Variants in EIF4ENIF1 observed in about 807,000 individuals in gnomAD.
EIF4ENIF1 encodes the protein eukaryotic translation initiation factor 4E transporter.
EIF4ENIF1 carries 23 observed loss-of-function variants against 110.5 expected under a neutral mutation model. That is an observed-to-expected ratio of 0.21 (90% CI 0.15 to 0.29). EIF4ENIF1 has a LOEUF of 0.29. Among genes scored for constraint, EIF4ENIF1 ranks in the 10% least tolerant of loss-of-function variants. EIF4ENIF1 has a pLI of 1.00. For synonymous variants in EIF4ENIF1, 440 were observed against 437.0 expected (o/e 1.01, Z -0.09); for missense variants, 1,031 against 1,221.1 (o/e 0.84, Z 2.32).
rs1256886202 is a variant in EIF4ENIF1 at position 31,442,014 on chromosome 22, G to C, written c.2311C>G (p.Leu771Val). The C allele has an allele frequency of 6.2e-7, 1 of 1,614,228 alleles. No individual in the cohort carries two copies. Among genetic ancestry groups the C allele is most frequent in the Admixed American group, 1.7e-5 (1 of 60,024 alleles). The change falls in exon 17 of 19, where the codon CTG becomes GTG. Residue 771 changes from leucine (L) to valine (V), a missense_variant. This residue lies in a region of EIF4ENIF1 where 309 missense variants were observed against 299.1 expected (regional missense o/e 1.03). Coordinates refer to ENST00000330125, the MANE Select transcript of EIF4ENIF1 (RefSeq NM_019843.4). The stretch of plus-strand genomic sequence containing the variant: ...TTGGTGTAACGGTTGGCCTGGGACA[G>C]TGGGGTGGAACACGAAGACCTCTGT... ...ALQRSSCSTP[L>V]SQANRYTKEQ...
chr22:31,443,274 C>G, intron 15 of EIF4ENIF1, 180 bp from the exon 16 acceptor site: 1 of 776,554 alleles, frequency 1.3e-6, no homozygotes. Context: ...AGGCAGTGTC[C>G]CAAGTACATT....
chr22:31,458,932 T>A (rs1012554456), intron 6 of EIF4ENIF1, among the ~76,000 whole-genome samples: 10 of 148,528 alleles, frequency 6.7e-5, no homozygotes, highest in African/African-American at 2.5e-4. Context: ...GGTCTTTTTT[T>A]TTTTTTTTTT....
chr22:31,473,482 G>A (rs75532586), intron 2 of EIF4ENIF1, among the ~76,000 whole-genome samples: 1 of 152,108 alleles, frequency 6.6e-6, no homozygotes, highest in Non-Finnish European at 1.5e-5. Context: ...TCTAGAATCA[G>A]ATATTTGATT....
At chr22:31,467,771 C>T (rs1316545104) in intron 4 of EIF4ENIF1, among the ~76,000 whole-genome samples, 1 of 149,310 alleles carries the variant, frequency 6.7e-6, no homozygotes, top group African/African-American at 2.5e-5. Flanking sequence ...GCAGACTAGG[C>T]AACAGAGCAA....
rs755925351 is a variant in EIF4ENIF1, at chr22:31,448,172, A to G, written c.1829T>C (p.Met610Thr). Residue 610 changes from methionine (M) to threonine (T), a missense_variant, in exon 13 of 19, where the codon ATG becomes ACG. By Grantham distance (81) the Met-to-Thr change is moderately conservative. Coordinates refer to ENST00000330125, the MANE Select transcript of EIF4ENIF1 (RefSeq NM_019843.4). The part of the protein sequence containing the change: ...GDPFQGMRKP[M>T]SPITAQMSQL... The stretch of plus-strand genomic sequence containing the variant: ...CCTGACCTGGGCTGTGATGGGGCTC[A>G]TGGGTTTGCGCATGCCTTGGAATGG... The G allele has an allele frequency of 2.4e-5, 38 of 1,614,066 alleles. No homozygotes were observed. The South Asian group carries it at 2.6e-4, about 11-fold the overall frequency.
intron 4 of EIF4ENIF1, 55 bp from the exon 5 acceptor site, chr22:31,464,022 T>G: frequency 6.4e-7 from 1 of 1,555,920 alleles, no homozygotes; most frequent in Non-Finnish European, 8.6e-7. Context: ...TGTTTTCTTC[T>G]TTTTTAGATA....
chr22:31,465,050 C>T (rs1433342889), intron 4 of EIF4ENIF1, among the ~76,000 whole-genome samples: 1 of 151,520 alleles, frequency 6.6e-6, no homozygotes, highest in East Asian at 1.9e-4. Flanking sequence ...ATAAACCAAC[C>T]CAGTGGCTCA....
chr22:31,463,658 A>C, intron 5 of EIF4ENIF1, 23 bp downstream of exon 5: 1 of 1,485,588 alleles, frequency 6.7e-7, no homozygotes, highest in Non-Finnish European at 8.9e-7. Context: ...ATTTAAAAAA[A>C]AAAAAAAAAA....
At position 31,439,989 on chromosome 22, in the gene EIF4ENIF1, C is replaced by A. The variant is rs2050240329; in HGVS notation, c.2849G>T (p.Ser950Ile). 4.3e-6 allele frequency: 7 copies of A among 1,613,960 alleles called. No individual in the cohort carries two copies. The highest frequency in any genetic ancestry group is 5.1e-6 in the Non-Finnish European group (6 of 1,179,910). ...QLEHRPSQRS[S>I]SPVGLAKWFG... ...CCATTTGGCAAGGCCCACAGGGGAG[C>A]TGCTCCTCTGGCTGGGGCGATGCTC... Residue 950 changes from serine (S) to isoleucine (I), a missense_variant, in exon 19 of 19, where the codon AGC becomes ATC. Transcript: ENST00000330125.
chr22:31,492,427 A>G (rs1358436474), upstream of EIF4ENIF1, among the ~76,000 whole-genome samples: 1 of 152,216 alleles, frequency 6.6e-6, no homozygotes, highest in Non-Finnish European at 1.5e-5. Flanking sequence ...TGTAGCTATC[A>G]TGATTTGATA....
rs1239115023 is a variant in EIF4ENIF1, at chr22:31,439,637, AAAAAG to A, written c.*238_*242del. ...CAACACTTCATTCACATATCTTACA[AAAAAG>A]AAAGACCATTTCCAGGATTGACAAC... On this transcript the variant is annotated 3_prime_UTR_variant, in exon 19 of 19. Transcript: ENST00000330125. The A allele has an allele frequency of 7.2e-6, 4 of 557,732 alleles. No individual in the cohort carries two copies. The highest frequency in any genetic ancestry group is 1.2e-5 in the Non-Finnish European group (4 of 328,746). 34.5% of individuals were successfully genotyped at this position (557,732 alleles called of 1,614,324 possible).
upstream of EIF4ENIF1, among the ~76,000 whole-genome samples, chr22:31,492,277 T>G (rs1043771835): frequency 4.6e-5 from 7 of 152,196 alleles, no homozygotes; most frequent in African/African-American, 1.4e-4. Flanking sequence ...ATTCTGTTCC[T>G]TAGAAAGGAG....
At chr22:31,475,056 T>G (rs983901096) in intron 2 of EIF4ENIF1, among the ~76,000 whole-genome samples, 9 of 152,188 alleles carry the variant, frequency 5.9e-5, no homozygotes, top group African/African-American at 2.2e-4. Flanking sequence ...CTGAAGCATC[T>G]AAATGTTTTC....
intron 7 of EIF4ENIF1, among the ~76,000 whole-genome samples, chr22:31,456,387 CTAATT>C (rs2050821443): frequency 6.6e-6 from 1 of 151,802 alleles, no homozygotes; most frequent in African/African-American, 2.4e-5. Flanking sequence ...CCACGCCCGG[CTAATT>C]TTTTGTATTT....
intron 16 of EIF4ENIF1, among the ~76,000 whole-genome samples, chr22:31,442,382 T>C (rs1018171615): frequency 6.6e-6 from 1 of 152,074 alleles, no homozygotes; most frequent in African/African-American, 2.4e-5. Flanking sequence ...GCAATTAGAG[T>C]CTGGTCAAAG....
chr22:31,479,359 A>G (rs1003772885), intron 2 of EIF4ENIF1: 4 of 151,962 alleles, frequency 2.6e-5, no homozygotes, highest in Non-Finnish European at 5.9e-5. Context: ...CCATGCCTGG[A>G]CAAGAGAAGA....
chr22:31,439,753 G>T lies in EIF4ENIF1; in HGVS notation c.*127C>A. On this transcript the variant is annotated 3_prime_UTR_variant, in exon 19 of 19. Transcript: ENST00000330125. ...ATAATGCGGACCACACCAGATGCAT[G>T]GGTTCCACCAAACAGCTTCACACAG... The T allele has an allele frequency of 7.4e-7, 1 of 1,357,882 alleles. No homozygotes were observed. Among genetic ancestry groups the T allele is most frequent in the East Asian group, 2.4e-5 (1 of 41,466 alleles). The allele number at this position is 1,357,882 out of a possible 1,614,324, so 84.1% of individuals were successfully genotyped here. A position where few individuals can be genotyped will look rare whatever the true frequency, so the allele number is the denominator to read the frequency against.
At chr22:31,465,634 A>T (rs1297987149) in intron 4 of EIF4ENIF1, among the ~76,000 whole-genome samples, 1 of 152,238 alleles carries the variant, frequency 6.6e-6, no homozygotes, top group Non-Finnish European at 1.5e-5. Context: ...AAGGTTAAAC[A>T]TACATCTGCT....
intron 9 of EIF4ENIF1, 114 bp downstream of exon 9, chr22:31,455,022 A>C (rs12167585): frequency 1.1e-6 from 1 of 870,968 alleles, no homozygotes; most frequent in Non-Finnish European, 1.7e-6. Context: ...TTAAACAAAA[A>C]CCCAATATAT....
Sources: allele counts gnomAD v4.1 joint callset (sites outside exome capture counted in the v4.1 genomes callset), GRCh38; gene constraint gnomAD v4.1.1; regional missense constraint gnomAD v4.1.1; transcripts MANE v1.5; gene names NCBI Gene and HGNC (gene_info 2026-07-23, HGNC 2026-07-21).